ZNRF3: variants seen among roughly 807,000 people sequenced by gnomAD.
ZNRF3 encodes the protein zinc and ring finger 3, also known as E3 ubiquitin-protein ligase ZNRF3.
A neutral mutation model predicts 72.5 loss-of-function variants in ZNRF3; 23 were observed. That is an observed-to-expected ratio of 0.32 (90% CI 0.23 to 0.45). ZNRF3 has a LOEUF of 0.45. Ranked by LOEUF, ZNRF3 falls within the 20% of genes least tolerant of loss-of-function variation. The probability of loss-of-function intolerance (pLI) is 1.00; values close to 1 mark genes in which losing one functional copy is unlikely to be tolerated. For synonymous variants in ZNRF3, 610 were observed against 545.3 expected (o/e 1.12, Z -1.65); for missense variants, 1,169 against 1,272.1 (o/e 0.92, Z 1.23).
At chr22:29,015,734 A>G (rs1164552700) in intron 2 of ZNRF3, among the ~76,000 whole-genome samples, 1 of 151,502 alleles carries the variant, frequency 6.6e-6, no homozygotes, top group Non-Finnish European at 1.5e-5. Context: ...GAAGGGAAGG[A>G]CAGCTGGGCA....
At chr22:28,980,523 G>A (rs2035747094) in intron 1 of ZNRF3, among the ~76,000 whole-genome samples, 2 of 152,158 alleles carry the variant, frequency 1.3e-5, no homozygotes, top group Admixed American at 1.3e-4. Context: ...AGGAGTGAGA[G>A]GGTAAGAGCC....
chr22:29,050,089 G>C lies in ZNRF3; in HGVS notation c.1908G>C (p.Val636=), dbSNP rs202195284. 217 of 1,608,152 alleles carry C rather than the reference G, an allele frequency of 1.3e-4. No homozygotes were observed. The East Asian group carries it at 4.1e-3, about 30-fold the overall frequency. The change falls in exon 8 of 9, where the codon GTG becomes GTC. Residue 636 remains valine (V), a synonymous_variant. Coordinates refer to ENST00000544604, the MANE Select transcript of ZNRF3 (RefSeq NM_001206998.2). ...GSPPPEELPA[V]HSHGAGRGEP... ...CGCCTCCCGAGGAGCTCCCGGCGGT[G>C]CACAGTCATGGTGCTGGGCGGGGCG... is the stretch of plus-strand genomic sequence containing the variant.
chr22:28,948,033 C>T (rs746155589), intron 1 of ZNRF3, among the ~76,000 whole-genome samples: 53 of 151,410 alleles, frequency 3.5e-4, no homozygotes, highest in African/African-American at 8.8e-4. Context: ...TTAGTAGAGA[C>T]GGGGTTTCAC....
chr22:29,004,664 C>G (rs2036208735), intron 2 of ZNRF3, among the ~76,000 whole-genome samples: 1 of 152,218 alleles, frequency 6.6e-6, no homozygotes, highest in Non-Finnish European at 1.5e-5. Flanking sequence ...TGCCTCTCTT[C>G]CTCGCCCTCC....
intron 2 of ZNRF3, among the ~76,000 whole-genome samples, chr22:29,024,349 C>T (rs1396148072): frequency 2.1e-5 from 3 of 142,498 alleles, no homozygotes; most frequent in Admixed American, 1.5e-4. Flanking sequence ...TTTAATCTGC[C>T]TTCCTGAAAC....
At position 29,049,214 on chromosome 22, in the gene ZNRF3, A is replaced by G. The variant is rs754633706; in HGVS notation, c.1033A>G (p.Ser345Gly). Residue 345 changes from serine to glycine, a missense_variant, in exon 8 of 9, where the codon AGC becomes GGC. By Grantham distance (56) the Ser-to-Gly change is moderately conservative. This residue lies in a region of ZNRF3 where 386 missense variants were observed against 540.7 expected (regional missense o/e 0.71). Coordinates refer to ENST00000544604, the MANE Select transcript of ZNRF3 (RefSeq NM_001206998.2). This position sits in a 1 kb window ranked among gnomAD's most constrained non-coding sequence, Gnocchi z 5.2. ...HNIIEQKGNP[S>G]AVCVETSNLS... Reference sequence around the variant, plus strand: ...GTCTCCAGAACAAAAGGGAAACCCAAGCGCGGTGTGTGTGGAGACCAGCAA... The same window carrying G: ...GTCTCCAGAACAAAAGGGAAACCCAGGCGCGGTGTGTGTGGAGACCAGCAA... The G allele has an allele frequency of 3.1e-6, 5 of 1,603,334 alleles. No homozygotes were observed. Among genetic ancestry groups the G allele is most frequent in the African/African-American group, 2.7e-5 (2 of 74,800 alleles).
rs140140592 is a variant in ZNRF3, at chr22:28,991,057, C to T, written c.426+3856C>T. 1.6e-3 allele frequency among the ~76,000 whole-genome samples: 248 copies of T among 151,480 alleles called. 1 individual carries two copies. Among genetic ancestry groups the T allele is most frequent in the African/African-American group, 5.5e-3 (228 of 41,232 alleles). On this transcript the variant is annotated intron_variant, in intron 2 of 8. Transcript: ENST00000544604. The stretch of plus-strand genomic sequence containing the variant: ...AGTACTGTGGGAGGCTGAGGCGCGC[C>T]GATTGCATGAGCTCAGGGATTTGAG...
At chr22:28,946,792 T>C (rs1450676234) in intron 1 of ZNRF3, among the ~76,000 whole-genome samples, 1 of 152,180 alleles carries the variant, frequency 6.6e-6, no homozygotes, top group Non-Finnish European at 1.5e-5. Context: ...TAGCTGGTGA[T>C]GGCTGTTGAT....
chr22:28,961,821 T>C (rs2035365291), intron 1 of ZNRF3, among the ~76,000 whole-genome samples: 1 of 152,218 alleles, frequency 6.6e-6, no homozygotes, highest in Non-Finnish European at 1.5e-5. Flanking sequence ...GACCACCCAC[T>C]GGTATCTGAC....
At chr22:28,917,518 T>C (rs1569245011) in intron 1 of ZNRF3, 6 of 891,974 alleles carry the variant, frequency 6.7e-6, no homozygotes, top group Non-Finnish European at 8.1e-6. Context: ...TTGGGTAAGA[T>C]ATACTCTCTG....
At chr22:28,967,938 A>AG (rs1555975906) in intron 1 of ZNRF3, among the ~76,000 whole-genome samples, 168 of 151,590 alleles carry the variant, frequency 1.1e-3, no homozygotes, top group African/African-American at 3.7e-3. Flanking sequence ...AAAAAAAAAA[A>AG]AAAAAGAAAA....
intron 1 of ZNRF3, among the ~76,000 whole-genome samples, chr22:28,956,353 C>CTTTTT (rs61155224): frequency 1.8e-5 from 2 of 110,442 alleles, no homozygotes; most frequent in African/African-American, 3.5e-5. Context: ...TTTCCATTTC[C>CTTTTT]TTTTTTTTTT....
At chr22:28,931,182 C>G (rs932005583) in intron 1 of ZNRF3, among the ~76,000 whole-genome samples, 1 of 152,152 alleles carries the variant, frequency 6.6e-6, no homozygotes, top group Non-Finnish European at 1.5e-5. Context: ...GCCAGTATGC[C>G]TCTTTTGTTC....
chr22:28,903,262 A>G (rs534878353), intron 1 of ZNRF3, among the ~76,000 whole-genome samples: 1 of 152,232 alleles, frequency 6.6e-6, no homozygotes, highest in Admixed American at 6.5e-5. Flanking sequence ...GCACAGCTGG[A>G]TGTGAACTCT....
intron 1 of ZNRF3, among the ~76,000 whole-genome samples, chr22:28,950,546 C>CCTTTG (rs1232093170): frequency 2.6e-5 from 4 of 152,192 alleles, no homozygotes; most frequent in Non-Finnish European, 5.9e-5. Context: ...CCTTTCCTTT[C>CCTTTG]CTTTCTAACA....
At chr22:28,937,205 ATATATATATATTTTTTTTTTTT>A (rs1385974632) in intron 1 of ZNRF3, among the ~76,000 whole-genome samples, 13 of 4,058 alleles carry the variant, frequency 3.2e-3, no homozygotes, top group South Asian at 0.013. Flanking sequence ...ATATATATAT[ATATATATATATTTTTTTTTTTT>A]TTTTTTTTTT....
At chr22:28,984,191 C>T (rs1198699388) in intron 1 of ZNRF3, among the ~76,000 whole-genome samples, 1 of 151,792 alleles carries the variant, frequency 6.6e-6, no homozygotes, top group Non-Finnish European at 1.5e-5. Context: ...CATTTTAAAG[C>T]ATGAAATTAA....
chr22:28,974,449 A>G (rs1281798564), intron 1 of ZNRF3, among the ~76,000 whole-genome samples: 1 of 152,228 alleles, frequency 6.6e-6, no homozygotes, highest in African/African-American at 2.4e-5. Context: ...ACAACATTAC[A>G]GTAAAGGAGG....
intron 4 of ZNRF3, 119 bp from the exon 5 acceptor site, chr22:29,044,661 A>G (rs1294858732): frequency 1.4e-6 from 1 of 719,620 alleles, no homozygotes; most frequent in Non-Finnish European, 2.5e-6. Context: ...TTTCCTGCAA[A>G]TTGAGGGGAA....
Sources: gnomAD v4.1 joint callset for allele counts (sites outside exome capture counted in the v4.1 genomes callset) on GRCh38, gnomAD v4.1.1 for gene constraint, gnomAD v4.1.1 regional missense constraint, Gnocchi (gnomAD v3.1) non-coding constraint, MANE v1.5 for transcripts, NCBI Gene and HGNC (gene_info 2026-07-23, HGNC 2026-07-21) for gene names.